CNTN4: variants seen among roughly 807,000 people sequenced by gnomAD.
CNTN4 encodes the protein contactin-4.
Under a neutral mutation model 122.5 loss-of-function variants are expected in CNTN4, and 77 were observed. That is an observed-to-expected ratio of 0.63 (90% CI 0.52 to 0.76). The LOEUF is 0.76. Ranked by LOEUF, CNTN4 falls within the 30% of genes least tolerant of loss-of-function variation. The pLI is 0.00. For synonymous variants in CNTN4, 512 were observed against 447.0 expected (o/e 1.15, Z -1.83); for missense variants, 1,256 against 1,259.1 (o/e 1.00, Z 0.04).
At chr3:2,350,088 G>T (rs1344284602) in intron 3 of CNTN4, among the ~76,000 whole-genome samples, 1 of 152,112 alleles carries the variant, frequency 6.6e-6, no homozygotes. Context: ...AAGTCATCGT[G>T]GTTGTTTTAC....
At chr3:2,530,738 T>G (rs1018184487) in intron 3 of CNTN4, among the ~76,000 whole-genome samples, 2 of 152,226 alleles carry the variant, frequency 1.3e-5, no homozygotes, top group Admixed American at 6.5e-5. Flanking sequence ...AGAACACTTA[T>G]GTAGCCAGAT....
chr3:2,889,177 C>T (rs546528147), intron 10 of CNTN4, among the ~76,000 whole-genome samples: 1 of 152,274 alleles, frequency 6.6e-6, no homozygotes, highest in Admixed American at 6.5e-5. Flanking sequence ...CTTCAATGAC[C>T]TCCCCTAAGT....
chr3:2,302,164 C>G (rs1463060921), intron 2 of CNTN4, among the ~76,000 whole-genome samples: 1 of 152,188 alleles, frequency 6.6e-6, no homozygotes, highest in African/African-American at 2.4e-5. Flanking sequence ...GGCACAGTGG[C>G]TCATGCCTGT....
intron 3 of CNTN4, among the ~76,000 whole-genome samples, chr3:2,514,223 C>T (rs1036309970): frequency 5.9e-5 from 9 of 152,160 alleles, no homozygotes; most frequent in Non-Finnish European, 1.3e-4. Flanking sequence ...ACGTCCTCAG[C>T]GGCATTTGGA....
chr3:2,450,626 T>TA (rs956752149), intron 3 of CNTN4, among the ~76,000 whole-genome samples: 12 of 150,858 alleles, frequency 8.0e-5, no homozygotes, highest in East Asian at 2.0e-4. Context: ...TTTTACCGGT[T>TA]AAAAAAAAAG....
intron 2 of CNTN4, among the ~76,000 whole-genome samples, chr3:2,224,879 G>A (rs577113321): frequency 1.2e-4 from 19 of 152,202 alleles, no homozygotes; most frequent in Admixed American, 5.2e-4. Context: ...GGTCGGGCGC[G>A]GTGGCTCACG....
chr3:2,383,163 A>C (rs571906079), intron 3 of CNTN4, among the ~76,000 whole-genome samples: 73 of 152,308 alleles, frequency 4.8e-4, no homozygotes, highest in African/African-American at 1.6e-3. Flanking sequence ...CCAAGGAGGC[A>C]ATATATTATG....
intron 4 of CNTN4, among the ~76,000 whole-genome samples, chr3:2,632,800 T>G (rs1014614195): frequency 6.6e-6 from 1 of 152,048 alleles, no homozygotes; most frequent in Admixed American, 6.6e-5. Flanking sequence ...GTGTTATGAG[T>G]GATGAAGCTC....
At chr3:2,553,800 C>T (rs879895522) in intron 3 of CNTN4, among the ~76,000 whole-genome samples, 1 of 152,156 alleles carries the variant, frequency 6.6e-6, no homozygotes, top group Admixed American at 6.6e-5. Flanking sequence ...TATTTCTTTT[C>T]ATTTCACTCT....
At chr3:2,553,282 C>G (rs976660922) in intron 3 of CNTN4, among the ~76,000 whole-genome samples, 1 of 152,152 alleles carries the variant, frequency 6.6e-6, no homozygotes, top group Non-Finnish European at 1.5e-5. Context: ...TTGTATGTTC[C>G]AACTAGCACT....
intron 4 of CNTN4, among the ~76,000 whole-genome samples, chr3:2,670,749 G>A (rs2084459789): frequency 6.6e-6 from 1 of 152,144 alleles, no homozygotes; most frequent in Non-Finnish European, 1.5e-5. Flanking sequence ...TCCTTTCCAT[G>A]TTTAGTGCTT....
intron 3 of CNTN4, among the ~76,000 whole-genome samples, chr3:2,552,884 A>T (rs777433569): frequency 6.6e-6 from 1 of 152,186 alleles, no homozygotes; most frequent in Non-Finnish European, 1.5e-5. Context: ...GAGGAAGGTG[A>T]CGTGCTACGG....
chr3:2,123,629 T>C (rs564966216), intron 2 of CNTN4, among the ~76,000 whole-genome samples: 3 of 152,210 alleles, frequency 2.0e-5, no homozygotes, highest in Non-Finnish European at 4.4e-5. Flanking sequence ...GCAAGATTAA[T>C]TGAGATGCTG....
At position 2,634,646 on chromosome 3, in the gene CNTN4, C is replaced by T. The variant is rs182114984; in HGVS notation, c.55+63088C>T. ...GAGATCGAGACCATCCTGGCTAACACGGTGAAACCCCATCTCTACTAAAAA... is the reference window on the plus strand; with the variant it reads ...GAGATCGAGACCATCCTGGCTAACATGGTGAAACCCCATCTCTACTAAAAA... On this transcript the variant is annotated intron_variant, in intron 4 of 24. Transcript: ENST00000418658. Among the ~76,000 whole-genome samples, 80 of 147,182 alleles carry T rather than the reference C, an allele frequency of 5.4e-4. 1 individual carries two copies. Among genetic ancestry groups the T allele is most frequent in the African/African-American group, 1.8e-3 (72 of 39,868 alleles).
intron 2 of CNTN4, among the ~76,000 whole-genome samples, chr3:2,249,762 T>C (rs1160920014): frequency 6.6e-6 from 1 of 151,952 alleles, no homozygotes; most frequent in Non-Finnish European, 1.5e-5. Context: ...TCCCATTATG[T>C]GGTGGCTTTA....
At chr3:2,649,540 A>C (rs1271012063) in intron 4 of CNTN4, among the ~76,000 whole-genome samples, 1 of 152,194 alleles carries the variant, frequency 6.6e-6, no homozygotes, top group Non-Finnish European at 1.5e-5. Flanking sequence ...CCCACTGTTG[A>C]GACCTACTGC....
At chr3:2,400,645 A>G (rs1472261952) in intron 3 of CNTN4, among the ~76,000 whole-genome samples, 1 of 150,366 alleles carries the variant, frequency 6.7e-6, no homozygotes, top group Non-Finnish European at 1.5e-5. Context: ...TAACAAGTTA[A>G]TGTTCTCATG....
At chr3:2,213,145 C>T (rs1352120707) in intron 2 of CNTN4, among the ~76,000 whole-genome samples, 1 of 152,094 alleles carries the variant, frequency 6.6e-6, no homozygotes, top group Non-Finnish European at 1.5e-5. Context: ...TCAGAAAGGA[C>T]ACACTGAGAA....
intron 14 of CNTN4, among the ~76,000 whole-genome samples, chr3:2,990,693 A>G (rs746254022): frequency 1.3e-5 from 2 of 152,188 alleles, no homozygotes; most frequent in Non-Finnish European, 2.9e-5. Context: ...AAAGCCTACA[A>G]ATATATCAGG....
Sources: allele counts gnomAD v4.1 joint callset (sites outside exome capture counted in the v4.1 genomes callset), GRCh38; gene constraint gnomAD v4.1.1; transcripts MANE v1.5; gene names NCBI Gene and HGNC (gene_info 2026-07-23, HGNC 2026-07-21).